ZMIZ2: variants seen among roughly 807,000 people sequenced by gnomAD.
ZMIZ2 encodes zinc finger MIZ-type containing 2, also known as zinc finger MIZ domain-containing protein 2.
In ZMIZ2, 26 loss-of-function variants were observed where a neutral mutation model predicts 93.9. The ratio of observed to expected loss-of-function variants is 0.28; its 90% CI spans 0.20 to 0.38. The LOEUF (loss-of-function observed/expected upper bound fraction) is 0.38. Among genes scored for constraint, ZMIZ2 ranks in the 10% least tolerant of loss-of-function variants. The probability of loss-of-function intolerance (pLI) is 1.00; values close to 1 mark genes in which losing one functional copy is unlikely to be tolerated. For synonymous variants in ZMIZ2, 485 were observed against 516.4 expected, an observed-to-expected ratio of 0.94 and a Z score of 0.82; for missense variants, 1,023 against 1,235.0, an observed-to-expected ratio of 0.83 and a Z score of 2.57.
Position 44,757,928 on chromosome 7 carries a change from C to T in ZMIZ2, c.633C>T (p.Asn211=), listed in dbSNP as rs1195541600. ...GGCCTAGTGTCCCCGCTGGCATGAA[C>T]CCTACTGGCATAGGAGGGGTAATGG... ...PRGPSVPAGM[N]PTGIGGVMGP... is the part of the protein sequence containing the mutation. Residue 211 remains asparagine, a synonymous_variant, in exon 6 of 19, where the codon AAC becomes AAT. Transcript: ENST00000309315. The T allele has an allele frequency of 6.2e-7, 1 of 1,611,924 alleles. No individual in the cohort carries two copies. The highest frequency in any genetic ancestry group is 1.1e-5 in the South Asian group (1 of 90,584).
Position 44,768,394 on chromosome 7 carries a change from G to C in ZMIZ2, c.*771G>C, listed in dbSNP as rs1370439397. On this transcript the variant is annotated 3_prime_UTR_variant, in exon 19 of 19. Coordinates refer to ENST00000309315, the MANE Select transcript of ZMIZ2 (RefSeq NM_031449.4). ...TCAGGGAGGAACCTCCAATGGGTGG[G>C]GGACAGTGAGCTTCGGCCTGGCCGA... is the stretch of plus-strand genomic sequence containing the variant. 1 of 152,706 alleles carries C rather than the reference G, an allele frequency of 6.5e-6. No individual in the cohort carries two copies. Among genetic ancestry groups the C allele is most frequent in the Non-Finnish European group, 1.5e-5 (1 of 68,226 alleles). The allele number at this position is 152,706 out of a possible 1,614,324, so 9.5% of individuals were successfully genotyped here.
chr7:44,755,854 T>C (rs1250695282), intron 1 of ZMIZ2, among the ~76,000 whole-genome samples: 2 of 152,190 alleles, frequency 1.3e-5, no homozygotes, highest in Admixed American at 6.5e-5. Flanking sequence ...CCTGGCTTTA[T>C]AAGGATAGCC....
chr7:44,762,030 C>A, intron 11 of ZMIZ2, 125 bp downstream of exon 11: 2 of 1,258,388 alleles, frequency 1.6e-6, no homozygotes, highest in East Asian at 3.0e-5. Context: ...GCAGTGGGAG[C>A]GGAGCCAGGA....
intron 6 of ZMIZ2, 43 bp from the exon 7 acceptor site, chr7:44,759,238 T>C (rs1016486998): frequency 2.8e-6 from 4 of 1,452,910 alleles, no homozygotes; most frequent in Non-Finnish European, 9.1e-7. Context: ...CCAGCTCCCC[T>C]GATGCCTTTT....
chr7:44,765,137 C>T lies in ZMIZ2; in HGVS notation c.1997+128C>T. 2 of 1,458,108 alleles carry T rather than the reference C, an allele frequency of 1.4e-6. No homozygotes were observed. Among genetic ancestry groups the T allele is most frequent in the Non-Finnish European group, 1.9e-6 (2 of 1,066,658 alleles). 90.3% of individuals were successfully genotyped at this position (1,458,108 alleles called of 1,614,324 possible). On this transcript the variant is annotated intron_variant, in intron 15 of 18. Coordinates refer to ENST00000309315, the MANE Select transcript of ZMIZ2 (RefSeq NM_031449.4). The surrounding 1 kb of genome is among the most constrained non-coding windows in gnomAD (Gnocchi z 4.1). ...TTCCGGCATGGAGCAGGCTGGATTC[C>T]AGGCCAGAGACAGCGTGTGTGTCCT...
At chr7:44,767,323 CA>C (rs1277713419) in intron 18 of ZMIZ2, among the ~76,000 whole-genome samples, 192 bp from the exon 19 acceptor site, 1 of 152,092 alleles carries the variant, frequency 6.6e-6, no homozygotes, top group African/African-American at 2.4e-5. Context: ...AGGGAGGTCC[CA>C]GGGGGTGGCG....
upstream of ZMIZ2, chr7:44,748,722 G>A (rs952167642): frequency 6.6e-6 from 1 of 150,500 alleles, no homozygotes; most frequent in East Asian, 2.0e-4. Flanking sequence ...CTGCCGCTTT[G>A]GGCCGCTCGG....
chr7:44,756,628 G>A (rs1462825369), intron 3 of ZMIZ2, 89 bp downstream of exon 3: 11 of 1,402,928 alleles, frequency 7.8e-6, no homozygotes, highest in East Asian at 4.6e-5. Context: ...TCTGAGAGAC[G>A]AAGAGGCTGA....
chr7:44,755,280 C>A (rs1277911317), intron 1 of ZMIZ2, among the ~76,000 whole-genome samples: 2 of 152,174 alleles, frequency 1.3e-5, no homozygotes, highest in African/African-American at 2.4e-5. Flanking sequence ...CTTAGAAACA[C>A]TGGCCAAGTC....
Position 44,761,406 on chromosome 7 carries a change from G to T in ZMIZ2, c.1241-43G>T. On this transcript the variant is annotated intron_variant, in intron 9 of 18. Coordinates refer to ENST00000309315, the MANE Select transcript of ZMIZ2 (RefSeq NM_031449.4). The surrounding 1 kb of genome is among the most constrained non-coding windows in gnomAD (Gnocchi z 5.8). ...CTCCTTGAGTGACACAAGACGCTCTGGCTGGGGCAACCCAGCTCACAGCCA... is the reference window on the plus strand; with the variant it reads ...CTCCTTGAGTGACACAAGACGCTCTTGCTGGGGCAACCCAGCTCACAGCCA... 6.2e-7 allele frequency: 1 copy of T among 1,601,570 alleles called. No homozygotes were observed.
chr7:44,756,063 C>T, intron 1 of ZMIZ2, 125 bp from the exon 2 acceptor site: 1 of 730,540 alleles, frequency 1.4e-6, no homozygotes, highest in Non-Finnish European at 2.3e-6. Context: ...CCTTGCCTGC[C>T]ATCAGAGCCC....
At position 44,765,038 on chromosome 7, in the gene ZMIZ2, A is replaced by G. The variant is rs1244516116; in HGVS notation, c.1997+29A>G. 1.9e-6 allele frequency: 3 copies of G among 1,613,328 alleles called. No homozygotes were observed. Among genetic ancestry groups the G allele is most frequent in the East Asian group, 2.2e-5 (1 of 44,890 alleles). On this transcript the variant is annotated intron_variant, in intron 15 of 18. Coordinates refer to ENST00000309315, the MANE Select transcript of ZMIZ2 (RefSeq NM_031449.4). This position sits in a 1 kb window ranked among gnomAD's most constrained non-coding sequence, Gnocchi z 4.1. ...AGCATCCTCTTCCTGTGATCCCTGC[A>G]TCTGTGGCCACTGGAGGGCAGCCCC... is the stretch of plus-strand genomic sequence containing the variant.
Position 44,763,077 on chromosome 7 carries a change from G to A in ZMIZ2, c.1702+91G>A. On this transcript the variant is annotated intron_variant, in intron 12 of 18. Transcript: ENST00000309315. This position sits in a 1 kb window ranked among gnomAD's most constrained non-coding sequence, Gnocchi z 5.6. ...ATCCTCCTTGTGGGCACCTCCTCGT[G>A]TCACACCAGGCCTTCTCCTTGGACA... 1 of 1,461,834 alleles carries A rather than the reference G, an allele frequency of 6.8e-7. No homozygotes were observed. Among genetic ancestry groups the A allele is most frequent in the Non-Finnish European group, 9.4e-7 (1 of 1,065,890 alleles). 90.6% of individuals were successfully genotyped at this position (1,461,834 alleles called of 1,614,324 possible).
intron 1 of ZMIZ2, among the ~76,000 whole-genome samples, chr7:44,751,904 G>T (rs1445905835): frequency 6.6e-6 from 1 of 151,992 alleles, no homozygotes; most frequent in Non-Finnish European, 1.5e-5. Context: ...GGAGGTTGCA[G>T]TGAGCCTAGA....
rs1327022928 is a variant in ZMIZ2 at position 44,764,489 on chromosome 7, G to T, written c.1928+3G>T. ...ACTTGGAGGTGTCCTGTGTGCAAGT[G>T]AGTCTCAGATGCAGCGTGTGATGGA... On this transcript the variant is annotated splice_donor_region_variant and intron_variant, in intron 14 of 18. Coordinates refer to ENST00000309315, the MANE Select transcript of ZMIZ2 (RefSeq NM_031449.4). 1.2e-6 allele frequency: 2 copies of T among 1,614,146 alleles called. No individual in the cohort carries two copies. The highest frequency in any genetic ancestry group is 1.7e-6 in the Non-Finnish European group (2 of 1,180,012).
Position 44,763,113 on chromosome 7 carries a change from C to A in ZMIZ2, c.1702+127C>A. ...CCTTCTCCTTGGACAGGTGGCTCTGCAGTAGGGGCAGTGGTTAGTTCCAGG... is the reference window on the plus strand; with the variant it reads ...CCTTCTCCTTGGACAGGTGGCTCTGAAGTAGGGGCAGTGGTTAGTTCCAGG... On this transcript the variant is annotated intron_variant, in intron 12 of 18. Transcript: ENST00000309315. This position sits in a 1 kb window ranked among gnomAD's most constrained non-coding sequence, Gnocchi z 5.6. 7.0e-7 allele frequency: 1 copy of A among 1,427,884 alleles called. No individual in the cohort carries two copies. Among genetic ancestry groups the A allele is most frequent in the Non-Finnish European group, 9.6e-7 (1 of 1,038,284 alleles). The allele number at this position is 1,427,884 out of a possible 1,614,324, so 88.5% of individuals were successfully genotyped here.
intron 13 of ZMIZ2, among the ~76,000 whole-genome samples, chr7:44,764,138 C>T (rs534813826): frequency 1.3e-5 from 2 of 152,156 alleles, no homozygotes; most frequent in Admixed American, 6.5e-5. Flanking sequence ...ACTCTTGTCT[C>T]GAAACAAAAC....
At chr7:44,751,616 G>A (rs1407917574) in intron 1 of ZMIZ2, among the ~76,000 whole-genome samples, 2 of 152,252 alleles carry the variant, frequency 1.3e-5, no homozygotes, top group African/African-American at 4.8e-5. Context: ...GTTCTGCGGA[G>A]ACAGAAGGCT....
rs1791855634 is a variant in ZMIZ2 at position 44,767,637 on chromosome 7, C to T, written c.*14C>T. ...GAGAACAACTGATCCTGTGTTTACCCCAAGCCCGGCGGGGACACGCTCACA... is the reference window on the plus strand; with the variant it reads ...GAGAACAACTGATCCTGTGTTTACCTCAAGCCCGGCGGGGACACGCTCACA... On this transcript the variant is annotated 3_prime_UTR_variant, in exon 19 of 19. Coordinates refer to ENST00000309315, the MANE Select transcript of ZMIZ2 (RefSeq NM_031449.4). 2 of 1,610,504 alleles carry T rather than the reference C, an allele frequency of 1.2e-6. No individual in the cohort carries two copies. Among genetic ancestry groups the T allele is most frequent in the South Asian group, 1.1e-5 (1 of 90,986 alleles).
Sources: gnomAD v4.1 joint callset for allele counts (sites outside exome capture counted in the v4.1 genomes callset) on GRCh38, gnomAD v4.1.1 for gene constraint, Gnocchi (gnomAD v3.1) non-coding constraint, MANE v1.5 for transcripts, NCBI Gene and HGNC (gene_info 2026-07-23, HGNC 2026-07-21) for gene names.